Variants in TASP1 observed in about 807,000 individuals in gnomAD.
TASP1 encodes taspase 1.
Under a neutral mutation model 56.6 loss-of-function variants are expected in TASP1, and 16 were observed. The ratio of observed to expected loss-of-function variants is 0.28; its 90% CI spans 0.19 to 0.43. The LOEUF is 0.43. Among genes scored for constraint, TASP1 ranks in the 20% least tolerant of loss-of-function variants. The pLI is 1.00. For missense variants in TASP1, 393 were observed against 511.6 expected (o/e 0.77, Z 2.24); for synonymous variants, 179 against 184.2 (o/e 0.97, Z 0.23).
At chr20:13,276,709 T>C in the TASP1 span, among the ~76,000 whole-genome samples, 3 of 152,214 alleles carry the variant, frequency 2.0e-5, no homozygotes, top group East Asian at 1.9e-4. Flanking sequence ...GTTCATCACA[T>C]TGATCATTGT....
At chr20:13,279,811 G>T in the TASP1 span, 1 of 1,614,026 alleles carries the variant, frequency 6.2e-7, no homozygotes, top group Non-Finnish European at 8.5e-7. Context: ...TACCTCAGAC[G>T]ACAGCAACTT....
At chr20:13,589,785 A>C (rs1190701269) in intron 4 of TASP1, among the ~76,000 whole-genome samples, 1 of 152,208 alleles carries the variant, frequency 6.6e-6, no homozygotes, top group Non-Finnish European at 1.5e-5. Context: ...CAATTTAAAA[A>C]TGGGAAAAGA....
intron 10 of TASP1, among the ~76,000 whole-genome samples, chr20:13,495,743 C>T (rs6079085): frequency 0.35 from 53,963 of 152,050 alleles, 10,372 homozygotes; most frequent in Non-Finnish European, 0.43. Context: ...GAAGGAACTA[C>T]ATCAACTTGT....
At chr20:13,211,951 T>C in the TASP1 span, among the ~76,000 whole-genome samples, 1 of 152,300 alleles carries the variant, frequency 6.6e-6, no homozygotes, top group East Asian at 1.9e-4. Context: ...TATCCAGTGC[T>C]TAATAGGAAA....
At chr20:13,142,471 T>C in the TASP1 span, among the ~76,000 whole-genome samples, 2 of 152,200 alleles carry the variant, frequency 1.3e-5, no homozygotes, top group Admixed American at 1.3e-4. Context: ...CACTGGCCTT[T>C]GTTTTTCCTT....
At chr20:13,337,900 T>C in the TASP1 span, among the ~76,000 whole-genome samples, 1 of 152,030 alleles carries the variant, frequency 6.6e-6, no homozygotes, top group Non-Finnish European at 1.5e-5. Flanking sequence ...CAAAAGGGGG[T>C]TGAGCAAGGC....
intron 12 of TASP1, among the ~76,000 whole-genome samples, chr20:13,424,131 C>T (rs2042542511): frequency 1.3e-5 from 2 of 152,062 alleles, no homozygotes; most frequent in South Asian, 2.1e-4. Flanking sequence ...GCTTTTCCAT[C>T]AGAAATTTTA....
chr20:13,360,873 T>A, the TASP1 span, among the ~76,000 whole-genome samples: 1 of 152,232 alleles, frequency 6.6e-6, no homozygotes, highest in East Asian at 1.9e-4. Flanking sequence ...CACCTGACAT[T>A]CACATTTCCC....
intron 11 of TASP1, among the ~76,000 whole-genome samples, chr20:13,468,864 T>A (rs1040616461): frequency 2.4e-5 from 3 of 126,986 alleles, no homozygotes; most frequent in African/African-American, 8.6e-5. Context: ...TATGTGTGTG[T>A]GTTTTTTTTT....
chr20:13,282,889 C>T, the TASP1 span, among the ~76,000 whole-genome samples: 2 of 152,188 alleles, frequency 1.3e-5, no homozygotes, highest in Non-Finnish European at 2.9e-5. Flanking sequence ...CAAAACTCTA[C>T]GCCCATTGTA....
intron 11 of TASP1, among the ~76,000 whole-genome samples, chr20:13,449,288 CT>C (rs1274339149): frequency 6.6e-6 from 1 of 152,052 alleles, no homozygotes; most frequent in South Asian, 2.1e-4. Context: ...GCCTGAAGAC[CT>C]TCCAAAGGAC....
the TASP1 span, among the ~76,000 whole-genome samples, chr20:13,224,049 G>GC: frequency 6.6e-6 from 1 of 151,996 alleles, no homozygotes; most frequent in African/African-American, 2.4e-5. Flanking sequence ...CTGAAGAACT[G>GC]CCCCAAGAGG....
intron 7 of TASP1, among the ~76,000 whole-genome samples, chr20:13,567,555 A>G (rs984103992): frequency 3.9e-5 from 6 of 152,194 alleles, no homozygotes; most frequent in Non-Finnish European, 8.8e-5. Flanking sequence ...ATGAGCACTC[A>G]ACATAAAGAA....
the TASP1 span, among the ~76,000 whole-genome samples, chr20:13,219,422 C>T: frequency 3.7e-4 from 56 of 152,132 alleles, no homozygotes; most frequent in Non-Finnish European, 6.3e-4. Context: ...ATCTGAAATA[C>T]GGACGGTTAT....
chr20:13,163,367 CAAA>C, the TASP1 span, among the ~76,000 whole-genome samples: 23,934 of 89,448 alleles, frequency 0.27, 2,005 homozygotes, highest in South Asian at 0.46. Context: ...GACGCTGTCT[CAAA>C]AAAAAAAAAA....
chr20:13,284,827 T>A, the TASP1 span, among the ~76,000 whole-genome samples: 1 of 151,834 alleles, frequency 6.6e-6, no homozygotes, highest in African/African-American at 2.4e-5. Context: ...GAAAAAAATG[T>A]TTGGAAATAA....
At chr20:13,636,021 T>G (rs777205040) in intron 1 of TASP1, among the ~76,000 whole-genome samples, 4 of 152,176 alleles carry the variant, frequency 2.6e-5, no homozygotes, top group Non-Finnish European at 5.9e-5. Context: ...TGCTTATTCT[T>G]TAAGAAGCAG....
chr20:13,438,485 A>G (rs2043095354), intron 11 of TASP1, among the ~76,000 whole-genome samples: 1 of 152,204 alleles, frequency 6.6e-6, no homozygotes, highest in African/African-American at 2.4e-5. Flanking sequence ...CCTTCCTTAT[A>G]CCTTATACAA....
At chr20:13,148,482 G>A in the TASP1 span, among the ~76,000 whole-genome samples, 10 of 152,126 alleles carry the variant, frequency 6.6e-5, no homozygotes, top group African/African-American at 1.9e-4. Context: ...TGTAGCTGTC[G>A]GGAGAGCAGG....
Sources: gnomAD v4.1 joint callset for allele counts (sites outside exome capture counted in the v4.1 genomes callset) on GRCh38, gnomAD v4.1.1 for gene constraint, MANE v1.5 for transcripts, NCBI Gene and HGNC (gene_info 2026-07-23, HGNC 2026-07-21) for gene names.